Variants in SIRPG observed in about 807,000 individuals in gnomAD.
The protein encoded by SIRPG is signal-regulatory protein gamma.
In SIRPG, 38 loss-of-function variants were observed where a neutral mutation model predicts 35.7. The ratio of observed to expected loss-of-function variants is 1.06; its 90% CI spans 0.82 to 1.40. The LOEUF (loss-of-function observed/expected upper bound fraction) is 1.40, where lower values mean the gene tolerates loss of function less well. Ranked by LOEUF, SIRPG falls within the 40% of genes most tolerant of loss-of-function variation. The pLI, the probability that SIRPG is intolerant of heterozygous loss-of-function variation, is 0.00. For synonymous variants in SIRPG, 215 were observed against 190.4 expected, an observed-to-expected ratio of 1.13 and a Z score of -1.06; for missense variants, 519 against 483.0, an observed-to-expected ratio of 1.07 and a Z score of -0.70.
At chr20:1,645,247 C>T (rs1248440549) in intron 2 of SIRPG, among the ~76,000 whole-genome samples, 1 of 152,122 alleles carries the variant, frequency 6.6e-6, no homozygotes, top group Admixed American at 6.5e-5. Flanking sequence ...AAGCACCCAC[C>T]CCCAGAAAAG....
the SIRPG span, among the ~76,000 whole-genome samples, chr20:1,672,495 G>A: frequency 4.6e-5 from 7 of 152,190 alleles, no homozygotes; most frequent in African/African-American, 1.4e-4. Context: ...GTCAAGGTAC[G>A]TGGGATTTTG....
At chr20:1,631,021 A>C (rs2091745555) in intron 4 of SIRPG, among the ~76,000 whole-genome samples, 1 of 152,136 alleles carries the variant, frequency 6.6e-6, no homozygotes, top group African/African-American at 2.4e-5. Context: ...ACCCCAGTGC[A>C]GGTGTCATCT....
At chr20:1,661,174 G>T (rs1232101380), upstream of SIRPG, among the ~76,000 whole-genome samples, 2 of 152,252 alleles carry the variant, frequency 1.3e-5, no homozygotes, top group Admixed American at 6.5e-5. Context: ...CAGATCCTCT[G>T]CCCTCAAGAA....
the SIRPG span, among the ~76,000 whole-genome samples, chr20:1,664,232 G>A: frequency 6.6e-6 from 1 of 152,148 alleles, no homozygotes; most frequent in African/African-American, 2.4e-5. Context: ...CTCTAACATA[G>A]GGGATCAAAT....
Position 1,639,657 on chromosome 20 carries a change from T to G in SIRPG, c.431-3152A>C, listed in dbSNP as rs186417606. ...ACCATTTGTCAACTTTCACTTTTGT[T>G]GCAATTGCTTTTGGCATTTTCGTCA... On this transcript the variant is annotated intron_variant, in intron 2 of 5. Transcript: ENST00000303415. Among the ~76,000 whole-genome samples the G allele has an allele frequency of 1.2e-4, 19 of 152,362 alleles. No individual in the cohort carries two copies. In the East Asian group the frequency reaches 3.5e-3, roughly 28 times the overall value.
chr20:1,647,935 T>C (rs2091909607), intron 2 of SIRPG: 1 of 152,218 alleles, frequency 6.6e-6, no homozygotes, highest in Admixed American at 6.5e-5. Flanking sequence ...GGTTCTTCTA[T>C]GAAGACAGTG....
rs62641734 is a variant in SIRPG, at chr20:1,649,101, A to G, written c.381T>C (p.Pro127=). 1.5e-5 allele frequency: 24 copies of G among 1,613,828 alleles called. No homozygotes were observed. In the African/African-American group the frequency reaches 2.3e-4, roughly 15 times the overall value. The part of the protein sequence containing the change: ...YYCVKFRKGS[P]ENVEFKSGPG... ...GTCCAGACTTAAACTCCACGTTCTC[A>G]GGGCTCCCTTTTCGAAACTTCACAC... The change falls in exon 2 of 6, where the codon CCT becomes CCC. Residue 127 remains proline, a synonymous_variant. Transcript: ENST00000303415.
At chr20:1,638,418 A>G (rs1363355733) in intron 2 of SIRPG, 1 of 152,226 alleles carries the variant, frequency 6.6e-6, no homozygotes, top group Non-Finnish European at 1.5e-5. Context: ...AGGCAGCAGA[A>G]CATAGAGGAG....
the SIRPG span, among the ~76,000 whole-genome samples, chr20:1,663,598 G>A: frequency 2.0e-5 from 3 of 152,174 alleles, no homozygotes; most frequent in South Asian, 4.1e-4. Flanking sequence ...ATTGACAAGC[G>A]CTATAAATCG....
chr20:1,630,971 C>T (rs1181142988), intron 4 of SIRPG: 1 of 152,152 alleles, frequency 6.6e-6, no homozygotes, highest in Non-Finnish European at 1.5e-5. Context: ...AAATGGGTCT[C>T]ATGCTTGGGA....
At chr20:1,673,037 C>A in the SIRPG span, among the ~76,000 whole-genome samples, 1 of 152,188 alleles carries the variant, frequency 6.6e-6, no homozygotes, top group African/African-American at 2.4e-5. Context: ...TCCTAAAGGG[C>A]ACCTCCAAAT....
intron 5 of SIRPG, 82 bp downstream of exon 5, chr20:1,630,140 G>C (rs1229604298): frequency 4.7e-6 from 5 of 1,073,212 alleles, no homozygotes; most frequent in Non-Finnish European, 7.0e-6. Context: ...CCCTGGTGCT[G>C]CATGGCATGT....
intron 2 of SIRPG, 55 bp from the exon 3 acceptor site, chr20:1,636,560 G>A (rs886936581): frequency 2.0e-5 from 31 of 1,560,620 alleles, no homozygotes; most frequent in East Asian, 1.3e-4. Context: ...AATCACTAAC[G>A]ATGAGTGTGT....
chr20:1,676,841 C>T, the SIRPG span: 1 of 166,690 alleles, frequency 6.0e-6, no homozygotes. Flanking sequence ...CCAGCTGCGA[C>T]TGACATGAAC....
At chr20:1,667,493 G>A in the SIRPG span, among the ~76,000 whole-genome samples, 1 of 152,182 alleles carries the variant, frequency 6.6e-6, no homozygotes, top group African/African-American at 2.4e-5. Context: ...GTAATTTATT[G>A]CAAAAGGAAA....
chr20:1,631,349 A>G (rs1164746571), intron 4 of SIRPG, among the ~76,000 whole-genome samples: 3 of 152,112 alleles, frequency 2.0e-5, no homozygotes, highest in East Asian at 1.9e-4. Flanking sequence ...CTTCTAGGGG[A>G]CAGCCCACAA....
In SIRPG at chr20:1,635,323, C is replaced by T. The variant is rs748098905; in HGVS notation, c.1025G>A (p.Arg342His). Residue 342 changes from arginine to histidine, a missense_variant, in exon 4 of 6, where the codon CGC becomes CAC. Physicochemically the swap from Arg to His is conservative, Grantham distance 29 (BLOSUM62 0). Transcript: ENST00000303415. ...KHDGQLAVSKRLALEVTVHQK... is the reference protein window; with the variant it reads ...KHDGQLAVSKHLALEVTVHQK... ...GTGGACTGTGACCTCTAGGGCAAGG[C>T]GTTTGCTGACCGCCAGCTGCCCATC... 24 of 1,614,008 alleles carry T rather than the reference C, an allele frequency of 1.5e-5. No homozygotes were observed. The highest frequency in any genetic ancestry group is 6.7e-5 in the African/African-American group (5 of 74,906).
chr20:1,634,210 T>C (rs1052542024), intron 4 of SIRPG, among the ~76,000 whole-genome samples: 1 of 29,638 alleles, frequency 3.4e-5, no homozygotes, highest in Non-Finnish European at 5.1e-5. Flanking sequence ...CCTGGTACAG[T>C]TTTTTTTTTT....
the SIRPG span, among the ~76,000 whole-genome samples, chr20:1,676,301 A>C: frequency 6.6e-6 from 1 of 152,324 alleles, no homozygotes; most frequent in South Asian, 2.1e-4. Context: ...TCCAGTGGGC[A>C]TTTGTCACCT....
Sources: allele counts gnomAD v4.1 joint callset (sites outside exome capture counted in the v4.1 genomes callset), GRCh38; gene constraint gnomAD v4.1.1; transcripts MANE v1.5; gene names NCBI Gene and HGNC (gene_info 2026-07-23, HGNC 2026-07-21).